The following PRKCI variants were observed in gnomAD, a reference collection of about 807,000 sequenced individuals.
PRKCI encodes the protein protein kinase C iota type.
PRKCI carries 43 observed loss-of-function variants against 84.0 expected under a neutral mutation model. The observed-to-expected ratio is 0.51, with a 90% confidence interval of 0.40 to 0.66. The LOEUF (loss-of-function observed/expected upper bound fraction) is 0.66, where lower values mean the gene tolerates loss of function less well. PRKCI is among the 30% of genes least tolerant of loss of function. The pLI is 0.00. For missense variants in PRKCI, 459 were observed against 745.6 expected, an observed-to-expected ratio of 0.62 and a Z score of 4.48; for synonymous variants, 216 against 234.4, an observed-to-expected ratio of 0.92 and a Z score of 0.72.
chr3:170,238,712 C>T (rs1733046012), intron 2 of PRKCI, among the ~76,000 whole-genome samples: 1 of 151,800 alleles, frequency 6.6e-6, no homozygotes, highest in South Asian at 2.1e-4. Flanking sequence ...GTGCCCCAGC[C>T]TCCTGAGTAG....
At chr3:170,292,209 T>C (rs1220925750) in intron 13 of PRKCI, among the ~76,000 whole-genome samples, 1 of 152,218 alleles carries the variant, frequency 6.6e-6, no homozygotes, top group Non-Finnish European at 1.5e-5. Context: ...AGTTTACATA[T>C]ATTAACTAAG....
At chr3:170,287,158 A>G in intron 12 of PRKCI, among the ~76,000 whole-genome samples, 1 of 151,896 alleles carries the variant, frequency 6.6e-6, no homozygotes, top group East Asian at 1.9e-4. Flanking sequence ...AACATGGCAA[A>G]ACTCCATCTC....
At chr3:170,230,993 A>G (rs572238633) in intron 1 of PRKCI, among the ~76,000 whole-genome samples, 22 of 133,602 alleles carry the variant, frequency 1.6e-4, no homozygotes, top group African/African-American at 5.9e-4. Flanking sequence ...GGAGCCTTGC[A>G]CTGTCACCCA....
chr3:170,235,545 AATG>A (rs1307481920), intron 2 of PRKCI, among the ~76,000 whole-genome samples, 194 bp downstream of exon 2: 1 of 151,958 alleles, frequency 6.6e-6, no homozygotes, highest in East Asian at 1.9e-4. Flanking sequence ...TTTACGCCAA[AATG>A]ATGTGAAATT....
At position 170,222,634 on chromosome 3, in the gene PRKCI, C is replaced by T. The variant is rs759715886; in HGVS notation, c.-36C>T. Reference sequence around the variant, plus strand: ...CGGCGCCCGAAGCGCCCCCCCGCACCCCCGGCCTCCAGCGTTGAGGCGGGG... The same window carrying T: ...CGGCGCCCGAAGCGCCCCCCCGCACTCCCGGCCTCCAGCGTTGAGGCGGGG... On this transcript the variant is annotated 5_prime_UTR_variant, in exon 1 of 18. Coordinates refer to ENST00000295797, the MANE Select transcript of PRKCI (RefSeq NM_002740.6). The T allele has an allele frequency of 1.3e-6, 2 of 1,518,538 alleles. No homozygotes were observed. The highest frequency in any genetic ancestry group is 1.8e-6 in the Non-Finnish European group (2 of 1,130,374). 94.1% of individuals were successfully genotyped at this position (1,518,538 alleles called of 1,614,324 possible). A position where few individuals can be genotyped will look rare whatever the true frequency, so the allele number is the denominator to read the frequency against.
At chr3:170,284,370 TA>T in intron 11 of PRKCI, 90 bp from the exon 12 acceptor site, 1 of 1,139,824 alleles carries the variant, frequency 8.8e-7, no homozygotes. Context: ...GAGAAAAAAA[TA>T]TGTTTTAATA....
At chr3:170,269,835 G>A (rs1317670343) in intron 5 of PRKCI, among the ~76,000 whole-genome samples, 1 of 151,998 alleles carries the variant, frequency 6.6e-6, no homozygotes, top group Non-Finnish European at 1.5e-5. Flanking sequence ...GCGCATACCT[G>A]TAATCCCAGC....
chr3:170,227,228 T>C (rs75641246), intron 1 of PRKCI, among the ~76,000 whole-genome samples: 373 of 152,322 alleles, frequency 2.4e-3, no homozygotes, highest in African/African-American at 8.6e-3. Flanking sequence ...ATTTTAAAAA[T>C]TCCAGTCTTG....
intron 3 of PRKCI, among the ~76,000 whole-genome samples, chr3:170,262,004 G>A (rs1733738943): frequency 6.6e-6 from 1 of 152,126 alleles, no homozygotes; most frequent in African/African-American, 2.4e-5. Context: ...GTTTTCAGAA[G>A]CTAGCTTACG....
In PRKCI at chr3:170,230,165, C is replaced by CTTT. The variant is rs545430768; in HGVS notation, c.102-5049_102-5047dup. ...ATTCTATTTTTCTTCTATTATGCAA[C>CTTT]TTTTTTTTTTTTTTTTTTGAGACAG... On this transcript the variant is annotated intron_variant, in intron 1 of 17. Transcript: ENST00000295797. 1.2e-3 allele frequency among the ~76,000 whole-genome samples: 160 copies of CTTT among 134,884 alleles called. 1 individual carries two copies. Among genetic ancestry groups the CTTT allele is most frequent in the Middle Eastern group, 3.9e-3 (1 of 258 alleles). 88.5% of individuals were successfully genotyped at this position (134,884 alleles called of 152,430 possible). A position where few individuals can be genotyped will look rare whatever the true frequency, so the allele number is the denominator to read the frequency against.
Position 170,253,278 on chromosome 3 carries a change from G to C in PRKCI, c.224-6691G>C, listed in dbSNP as rs113891536. On this transcript the variant is annotated intron_variant, in intron 2 of 17. Coordinates refer to ENST00000295797, the MANE Select transcript of PRKCI (RefSeq NM_002740.6). ...AGAAATCTCTATACTGTTCTCCATA[G>C]TGACTGTACTAAAGTACATTCCCAC... is the stretch of plus-strand genomic sequence containing the variant. Among the ~76,000 whole-genome samples the C allele has an allele frequency of 3.6e-4, 55 of 152,220 alleles. 1 individual carries two copies. The highest frequency in any genetic ancestry group is 1.3e-3 in the African/African-American group (52 of 41,518).
chr3:170,296,827 T>A (rs1017560094), intron 15 of PRKCI, among the ~76,000 whole-genome samples: 4 of 152,146 alleles, frequency 2.6e-5, no homozygotes, highest in African/African-American at 9.7e-5. Context: ...GCCAAGACTT[T>A]TTATAAGTTG....
At chr3:170,249,745 C>A (rs1733389207) in intron 2 of PRKCI, among the ~76,000 whole-genome samples, 1 of 150,426 alleles carries the variant, frequency 6.6e-6, no homozygotes, top group African/African-American at 2.5e-5. Context: ...TGCAGTGAAC[C>A]AAGATCATGC....
intron 7 of PRKCI, among the ~76,000 whole-genome samples, chr3:170,274,121 C>G (rs1022750177): frequency 7.2e-5 from 11 of 151,972 alleles, no homozygotes; most frequent in Non-Finnish European, 1.6e-4. Context: ...TGACTGTGTT[C>G]AGGTGACTCG....
At chr3:170,297,234 C>G (rs981599897) in intron 15 of PRKCI, 70 bp from the exon 16 acceptor site, 12 of 1,279,278 alleles carry the variant, frequency 9.4e-6, no homozygotes, top group East Asian at 9.4e-5. Context: ...GCACACAACA[C>G]AGATCACAAA....
intron 11 of PRKCI, 54 bp from the exon 12 acceptor site, chr3:170,284,407 A>G: frequency 2.1e-6 from 3 of 1,406,650 alleles, no homozygotes; most frequent in East Asian, 2.4e-5. Flanking sequence ...CCAGTTGTAA[A>G]TGTAGAACTT....
intron 12 of PRKCI, among the ~76,000 whole-genome samples, chr3:170,288,912 A>G (rs1042278407): frequency 4.6e-5 from 7 of 152,242 alleles, no homozygotes; most frequent in African/African-American, 1.7e-4. Context: ...TAAAGATTGC[A>G]GAGGATAGTG....
At chr3:170,259,634 C>A (rs1733674152) in intron 2 of PRKCI, among the ~76,000 whole-genome samples, 1 of 152,070 alleles carries the variant, frequency 6.6e-6, no homozygotes, top group Non-Finnish European at 1.5e-5. Flanking sequence ...CATGGTGAAA[C>A]CCTGTCTCTA....
chr3:170,281,823 G>A (rs1404315614), intron 10 of PRKCI, 59 bp from the exon 11 acceptor site: 2 of 1,517,550 alleles, frequency 1.3e-6, no homozygotes, highest in African/African-American at 2.8e-5. Flanking sequence ...TTCTGAAAAT[G>A]CAAAGTTACA....
Sources: gnomAD v4.1 joint callset for allele counts (sites outside exome capture counted in the v4.1 genomes callset) on GRCh38, gnomAD v4.1.1 for gene constraint, MANE v1.5 for transcripts, NCBI Gene and HGNC (gene_info 2026-07-23, HGNC 2026-07-21) for gene names.